PTGR1: variants seen among roughly 807,000 people sequenced by gnomAD.
PTGR1 encodes the protein 15-oxoprostaglandin 13-reductase.
PTGR1 carries 23 observed loss-of-function variants against 37.7 expected under a neutral mutation model. That is an observed-to-expected ratio of 0.61 (90% CI 0.44 to 0.86). The LOEUF (loss-of-function observed/expected upper bound fraction) is 0.86, where lower values mean the gene tolerates loss of function less well. Ranked by LOEUF, PTGR1 falls within the 40% of genes least tolerant of loss-of-function variation. The pLI is 0.00. For synonymous variants in PTGR1, 134 were observed against 140.0 expected (o/e 0.96, Z 0.30); for missense variants, 351 against 394.3 (o/e 0.89, Z 0.93).
chr9:111,579,002 G>T, intron 6 of PTGR1, 51 bp from the exon 7 acceptor site: 1 of 1,523,002 alleles, frequency 6.6e-7, no homozygotes, highest in South Asian at 1.3e-5. Flanking sequence ...CACAAGCATG[G>T]ACCAACACTA....
At chr9:111,598,877 G>A (rs1039348007) in intron 1 of PTGR1, among the ~76,000 whole-genome samples, 1 of 152,104 alleles carries the variant, frequency 6.6e-6, no homozygotes, top group African/African-American at 2.4e-5. Context: ...TCACTCTGCT[G>A]TGCAACAGAT....
intron 9 of PTGR1, chr9:111,549,883 T>C: frequency 1.2e-6 from 1 of 833,378 alleles, no homozygotes; most frequent in South Asian, 1.6e-5. Context: ...CAATGTTTGG[T>C]CTTCCTCATG....
intron 6 of PTGR1, 93 bp from the exon 7 acceptor site, chr9:111,579,044 G>C: frequency 1.6e-6 from 2 of 1,257,492 alleles, no homozygotes; most frequent in South Asian, 3.2e-5. Context: ...AGGTTCCCTA[G>C]GAACACTCTC....
At chr9:111,554,357 C>G (rs750753098) in intron 9 of PTGR1, among the ~76,000 whole-genome samples, 1 of 152,148 alleles carries the variant, frequency 6.6e-6, no homozygotes, top group Non-Finnish European at 1.5e-5. Context: ...TAACCCTAAC[C>G]TAACTTAAAG....
At chr9:111,571,409 A>G (rs563148609) in intron 8 of PTGR1, among the ~76,000 whole-genome samples, 7 of 149,758 alleles carry the variant, frequency 4.7e-5, no homozygotes, top group Non-Finnish European at 1.0e-4. Context: ...ACTCGGTTTC[A>G]AAAAGAAAAA....
rs764506055 is a variant in PTGR1, at chr9:111,578,963, A to G, written c.496-12T>C. 59 of 1,524,834 alleles carry G rather than the reference A, an allele frequency of 3.9e-5. No individual in the cohort carries two copies. Among genetic ancestry groups the G allele is most frequent in the South Asian group, 2.0e-4 (16 of 80,276 alleles). The allele number at this position is 1,524,834 out of a possible 1,614,324, so 94.5% of individuals were successfully genotyped here. A position where few individuals can be genotyped will look rare whatever the true frequency, so the allele number is the denominator to read the frequency against. ...ACAACTTTGCAGCCCTAAGTAGAAA[A>G]AAAAAAAAAAAGGAAACCATGAATA... On this transcript the variant is annotated splice_polypyrimidine_tract_variant and intron_variant, in intron 6 of 9. Transcript: ENST00000407693.
Position 111,582,423 on chromosome 9 carries a change from C to A in PTGR1, c.495+1049G>T, listed in dbSNP as rs148840202. ...TTTGTAATTTTAGCACAATCCAAGC[C>A]TAGCTAAATTCCAGAACAAAAAGTA... On this transcript the variant is annotated intron_variant, in intron 6 of 9. Transcript: ENST00000407693. 1.1e-3 allele frequency among the ~76,000 whole-genome samples: 163 copies of A among 152,272 alleles called. 2 individuals are homozygous for A. Among genetic ancestry groups the A allele is most frequent in the African/African-American group, 3.8e-3 (158 of 41,546 alleles).
chr9:111,585,827 A>C (rs1191413522), intron 5 of PTGR1, among the ~76,000 whole-genome samples, 171 bp downstream of exon 5: 1 of 152,300 alleles, frequency 6.6e-6, no homozygotes, highest in African/African-American at 2.4e-5. Flanking sequence ...CCATTCACCC[A>C]TTGATGGACA....
chr9:111,587,708 C>A (rs1829481244), intron 4 of PTGR1, among the ~76,000 whole-genome samples: 1 of 152,270 alleles, frequency 6.6e-6, no homozygotes, highest in South Asian at 2.1e-4. Flanking sequence ...CCTCAGCCTC[C>A]CAAAGTGCTG....
intron 2 of PTGR1, among the ~76,000 whole-genome samples, 155 bp downstream of exon 2, chr9:111,597,162 C>T (rs1829805279): frequency 6.6e-6 from 1 of 152,144 alleles, no homozygotes; most frequent in Non-Finnish European, 1.5e-5. Flanking sequence ...AGAAGAACCA[C>T]CCAGCTTAAC....
At chr9:111,570,008 G>A in intron 9 of PTGR1, 83 bp downstream of exon 9, 5 of 1,587,236 alleles carry the variant, frequency 3.2e-6, no homozygotes, top group South Asian at 1.1e-5. Flanking sequence ...AGATGGGGAA[G>A]AATTGGTAGA....
chr9:111,581,440 T>C (rs1829275738), intron 6 of PTGR1, among the ~76,000 whole-genome samples: 1 of 152,154 alleles, frequency 6.6e-6, no homozygotes, highest in Non-Finnish European at 1.5e-5. Context: ...CAAAGACAGA[T>C]ATAGACATTT....
chr9:111,580,827 G>T (rs1408635375), intron 6 of PTGR1, among the ~76,000 whole-genome samples: 2 of 149,592 alleles, frequency 1.3e-5, no homozygotes, highest in African/African-American at 4.9e-5. Flanking sequence ...TTGAATTATT[G>T]TAAGAGCCTC....
intron 8 of PTGR1, among the ~76,000 whole-genome samples, chr9:111,573,805 C>T (rs963613787): frequency 1.3e-5 from 2 of 152,060 alleles, no homozygotes; most frequent in Non-Finnish European, 1.5e-5. Context: ...GAATATGGTT[C>T]TCTGGTTGAT....
At chr9:111,578,564 A>G (rs1331683504) in intron 7 of PTGR1, among the ~76,000 whole-genome samples, 1 of 152,152 alleles carries the variant, frequency 6.6e-6, no homozygotes, top group African/African-American at 2.4e-5. Context: ...TGGGAATCTA[A>G]TGCTGCCACT....
intron 9 of PTGR1, among the ~76,000 whole-genome samples, chr9:111,569,333 A>T (rs567908016): frequency 6.6e-6 from 1 of 152,314 alleles, no homozygotes. Context: ...GAGGAGGACC[A>T]ATCAGTGAGG....
intron 9 of PTGR1, among the ~76,000 whole-genome samples, chr9:111,552,952 T>A (rs1369128209): frequency 6.6e-6 from 1 of 152,194 alleles, no homozygotes; most frequent in Non-Finnish European, 1.5e-5. Flanking sequence ...AATTTCTTCA[T>A]CTCTCCATCT....
chr9:111,575,548 G>A (rs990861371), intron 7 of PTGR1: 36 of 152,174 alleles, frequency 2.4e-4, no homozygotes, highest in African/African-American at 7.7e-4. Context: ...TGTGAGAGTA[G>A]AAATACAGAT....
Position 111,578,959 on chromosome 9 carries a change from G to GAA in PTGR1, c.496-10_496-9dup, listed in dbSNP as rs375892629. On this transcript the variant is annotated splice_polypyrimidine_tract_variant and intron_variant, in intron 6 of 9. Coordinates refer to ENST00000407693, the MANE Select transcript of PTGR1 (RefSeq NM_001146108.2). ...TCCAACAACTTTGCAGCCCTAAGTA[G>GAA]AAAAAAAAAAAAAAAGGAAACCATG... 1,872 of 1,238,300 alleles carry GAA rather than the reference G, an allele frequency of 1.5e-3. No homozygotes were observed. Among genetic ancestry groups the GAA allele is most frequent in the South Asian group, 5.0e-3 (295 of 59,196 alleles). The allele number at this position is 1,238,300 out of a possible 1,614,324, so 76.7% of individuals were successfully genotyped here. A position where few individuals can be genotyped will look rare whatever the true frequency, so the allele number is the denominator to read the frequency against.
Sources: allele counts gnomAD v4.1 joint callset (sites outside exome capture counted in the v4.1 genomes callset), GRCh38; gene constraint gnomAD v4.1.1; transcripts MANE v1.5; gene names NCBI Gene and HGNC (gene_info 2026-07-23, HGNC 2026-07-21).